Variants in YEATS4 observed in about 807,000 individuals in gnomAD.
YEATS4 encodes YEATS domain containing 4, also known as YEATS domain-containing protein 4.
YEATS4 carries 17 observed loss-of-function variants against 30.1 expected under a neutral mutation model. That is an observed-to-expected ratio of 0.56 (90% confidence interval 0.39 to 0.85). The LOEUF is 0.85. YEATS4 is among the 40% of genes least tolerant of loss of function. YEATS4 has a pLI of 0.00. For missense variants in YEATS4, 142 were observed against 268.3 expected, an observed-to-expected ratio of 0.53 and a Z score of 3.29; for synonymous variants, 85 against 87.5, an observed-to-expected ratio of 0.97 and a Z score of 0.16.
At chr12:69,398,660 T>TA in the YEATS4 span, among the ~76,000 whole-genome samples, 1 of 150,590 alleles carries the variant, frequency 6.6e-6, no homozygotes. Context: ...TAAAAAAATA[T>TA]AAAAATTAAC....
At chr12:69,364,018 T>C (rs1427891535) in intron 2 of YEATS4, among the ~76,000 whole-genome samples, 3 of 152,194 alleles carry the variant, frequency 2.0e-5, no homozygotes, top group South Asian at 4.1e-4. Flanking sequence ...GGCAAATCCA[T>C]AGACAAAGAA....
At chr12:69,408,863 C>T in the YEATS4 span, among the ~76,000 whole-genome samples, 27 of 152,202 alleles carry the variant, frequency 1.8e-4, no homozygotes, top group South Asian at 4.4e-3. Context: ...TCTTAGAGCT[C>T]GCCCATCAAA....
At chr12:69,371,317 C>G (rs901213968) in intron 6 of YEATS4, among the ~76,000 whole-genome samples, 2 of 152,146 alleles carry the variant, frequency 1.3e-5, no homozygotes, top group South Asian at 4.1e-4. Context: ...GTGTGAAGAA[C>G]CTTGCAAACC....
At chr12:69,384,570 A>T (rs144574992) in intron 6 of YEATS4, among the ~76,000 whole-genome samples, 4 of 152,360 alleles carry the variant, frequency 2.6e-5, no homozygotes, top group African/African-American at 9.6e-5. Flanking sequence ...TCATCACTTC[A>T]TAGTACTTAC....
At chr12:69,423,702 A>G in the YEATS4 span, among the ~76,000 whole-genome samples, 2 of 152,238 alleles carry the variant, frequency 1.3e-5, no homozygotes, top group Non-Finnish European at 1.5e-5. Context: ...TTTCAGGCAT[A>G]ACAGTGACAT....
At chr12:69,413,510 G>GCCC in the YEATS4 span, among the ~76,000 whole-genome samples, 116 of 130,992 alleles carry the variant, frequency 8.9e-4, 1 homozygote, top group Middle Eastern at 3.7e-3. Context: ...GGTCTTCAAC[G>GCCC]CCCCCCCCAT....
downstream of YEATS4, among the ~76,000 whole-genome samples, chr12:69,392,606 T>A (rs150170007): frequency 1.1e-4 from 16 of 152,224 alleles, no homozygotes; most frequent in African/African-American, 3.9e-4. Flanking sequence ...ATAAGAAGAA[T>A]TAAAGAAACT....
At chr12:69,381,462 T>C (rs954029180) in intron 6 of YEATS4, among the ~76,000 whole-genome samples, 36 of 152,248 alleles carry the variant, frequency 2.4e-4, no homozygotes, top group African/African-American at 8.2e-4. Flanking sequence ...CTACAAACAA[T>C]TTGTGCAGTT....
chr12:69,396,059 GC>G, the YEATS4 span, among the ~76,000 whole-genome samples: 1 of 151,924 alleles, frequency 6.6e-6, no homozygotes, highest in Non-Finnish European at 1.5e-5. Context: ...ACTCTAGGTA[GC>G]CCTCCTGGAT....
chr12:69,407,870 C>T, the YEATS4 span, among the ~76,000 whole-genome samples: 36 of 152,030 alleles, frequency 2.4e-4, no homozygotes, highest in African/African-American at 8.2e-4. Flanking sequence ...GCATGTGCCA[C>T]CACGCCTGGC....
chr12:69,397,064 G>T, the YEATS4 span, among the ~76,000 whole-genome samples: 3 of 152,136 alleles, frequency 2.0e-5, 1 homozygote, highest in Non-Finnish European at 4.4e-5. Context: ...AGATAATAAT[G>T]CTGGCCATCT....
intron 6 of YEATS4, among the ~76,000 whole-genome samples, chr12:69,380,226 TGTCCTTGGGCA>T (rs1195564948): frequency 2.0e-5 from 3 of 152,242 alleles, no homozygotes; most frequent in African/African-American, 7.2e-5. Flanking sequence ...TTGTTGTACC[TGTCCTTGGGCA>T]GGCTTTCCAG....
intron 6 of YEATS4, among the ~76,000 whole-genome samples, chr12:69,385,589 A>T (rs542473197): frequency 6.6e-6 from 1 of 152,330 alleles, no homozygotes; most frequent in South Asian, 2.1e-4. Context: ...CCAGGGTCAC[A>T]CAGCTAGTTA....
the YEATS4 span, among the ~76,000 whole-genome samples, chr12:69,422,035 A>G: frequency 1.3e-5 from 2 of 152,176 alleles, no homozygotes; most frequent in African/African-American, 4.8e-5. Context: ...AAGGGTATCC[A>G]GTCTGATGGG....
chr12:69,398,905 C>G, the YEATS4 span, among the ~76,000 whole-genome samples: 1 of 151,568 alleles, frequency 6.6e-6, no homozygotes, highest in East Asian at 1.9e-4. Context: ...AATCCCAGCA[C>G]TTTAAGAGGC....
intron 6 of YEATS4, among the ~76,000 whole-genome samples, chr12:69,382,026 A>T (rs1876099078): frequency 6.6e-6 from 1 of 152,216 alleles, no homozygotes; most frequent in Admixed American, 6.5e-5. Context: ...AGTGAGCTTG[A>T]GAGGCTTCAA....
At chr12:69,376,366 A>T (rs1336359513) in intron 6 of YEATS4, among the ~76,000 whole-genome samples, 5 of 150,536 alleles carry the variant, frequency 3.3e-5, no homozygotes, top group African/African-American at 1.2e-4. Context: ...ACTCTCTCTC[A>T]GAATAAATAA....
chr12:69,362,013 G>GTTTT lies in YEATS4; in HGVS notation c.52-757_52-754dup, dbSNP rs533225716. On this transcript the variant is annotated intron_variant, in intron 1 of 6. Coordinates refer to ENST00000247843, the MANE Select transcript of YEATS4 (RefSeq NM_006530.4). ...TTTTTAAATTGTAGGGTGTTTGGTT[G>GTTTT]TTTTTTTTTTTTTTTTTTTTTGGAG... Among the ~76,000 whole-genome samples, 475 of 68,880 alleles carry GTTTT rather than the reference G, an allele frequency of 6.9e-3. 2 individuals carry two copies. The highest frequency in any genetic ancestry group is 0.017 in the Middle Eastern group (2 of 118). 45.2% of individuals were successfully genotyped at this position (68,880 alleles called of 152,430 possible).
chr12:69,382,724 T>C (rs1033946610), intron 6 of YEATS4, among the ~76,000 whole-genome samples: 1 of 152,216 alleles, frequency 6.6e-6, no homozygotes, highest in African/African-American at 2.4e-5. Context: ...GCTGTCCCAG[T>C]AATTCAGATT....
Sources: gnomAD v4.1 joint callset for allele counts (sites outside exome capture counted in the v4.1 genomes callset) on GRCh38, gnomAD v4.1.1 for gene constraint, MANE v1.5 for transcripts, NCBI Gene and HGNC (gene_info 2026-07-23, HGNC 2026-07-21) for gene names.